ACOT12: variants seen among roughly 807,000 people sequenced by gnomAD.
ACOT12 encodes the protein acyl-CoA thioesterase 12.
A neutral mutation model predicts 67.7 loss-of-function variants in ACOT12; 51 were observed. The observed-to-expected ratio is 0.75, with a 90% CI of 0.60 to 0.95. The LOEUF (loss-of-function observed/expected upper bound fraction) is 0.95, where lower values mean the gene tolerates loss of function less well. Among genes scored for constraint, ACOT12 ranks in the 40% least tolerant of loss-of-function variants. The pLI is 0.00. For missense variants in ACOT12, 734 were observed against 708.1 expected, an observed-to-expected ratio of 1.04 and a Z score of -0.41; for synonymous variants, 251 against 244.6, an observed-to-expected ratio of 1.03 and a Z score of -0.24.
Position 81,359,900 on chromosome 5 carries a change from G to T in ACOT12, c.496+3C>A. 6.2e-7 allele frequency: 1 copy of T among 1,603,126 alleles called. No individual in the cohort carries two copies. Among genetic ancestry groups the T allele is most frequent in the South Asian group, 1.1e-5 (1 of 87,854 alleles). Reference sequence around the variant, plus strand: ...TAAAATTCTTATAAGTGGATTTACTGACCATCAAATTTGCTACTTTCCTTC... The same window carrying T: ...TAAAATTCTTATAAGTGGATTTACTTACCATCAAATTTGCTACTTTCCTTC... On this transcript the variant is annotated splice_donor_region_variant and intron_variant, in intron 5 of 14. Transcript: ENST00000307624.
At chr5:81,329,483 T>G (rs1580521300), downstream of ACOT12, among the ~76,000 whole-genome samples, 1 of 152,074 alleles carries the variant, frequency 6.6e-6, no homozygotes, top group Admixed American at 6.6e-5. Flanking sequence ...TGTGAATAGA[T>G]GGGTGAGGGT....
the ACOT12 span, among the ~76,000 whole-genome samples, chr5:81,315,151 A>T: frequency 6.6e-6 from 1 of 152,292 alleles, no homozygotes; most frequent in African/African-American, 2.4e-5. Flanking sequence ...TCCTACTGGG[A>T]TGCTCCACTA....
chr5:81,380,971 C>T (rs1760565722), intron 2 of ACOT12, among the ~76,000 whole-genome samples: 2 of 152,058 alleles, frequency 1.3e-5, no homozygotes, highest in South Asian at 4.1e-4. Flanking sequence ...TGTTATTGTG[C>T]TGAATACTGT....
intron 3 of ACOT12, among the ~76,000 whole-genome samples, chr5:81,367,461 G>A (rs1042788596): frequency 4.6e-5 from 7 of 152,086 alleles, no homozygotes; most frequent in South Asian, 2.1e-4. Flanking sequence ...ACTGTTATAA[G>A]GTTATTACAC....
chr5:81,380,919 AC>A (rs1224640720), intron 2 of ACOT12, among the ~76,000 whole-genome samples: 4 of 152,166 alleles, frequency 2.6e-5, no homozygotes, highest in African/African-American at 9.7e-5. Flanking sequence ...CCTAGGCTAT[AC>A]GGTATAGCCT....
chr5:81,323,455 C>T, the ACOT12 span, among the ~76,000 whole-genome samples: 10 of 152,326 alleles, frequency 6.6e-5, no homozygotes, highest in Admixed American at 5.9e-4. Flanking sequence ...ATGTTTTTCT[C>T]ATGACAGTGG....
At position 81,335,348 on chromosome 5, in the gene ACOT12, T is replaced by C. The variant is rs533741251; in HGVS notation, c.1262+420A>G. 2.0e-5 allele frequency among the ~76,000 whole-genome samples: 3 copies of C among 152,302 alleles called. No individual in the cohort carries two copies. In the South Asian group the frequency reaches 6.2e-4, roughly 32 times the overall value. ...TCTCTCAATATCACCTGATGCAGTA[T>C]TCTGTCCAGATCAAACTTTATTTTT... On this transcript the variant is annotated intron_variant, in intron 12 of 14. Coordinates refer to ENST00000307624, the MANE Select transcript of ACOT12 (RefSeq NM_130767.3).
chr5:81,355,791 G>A (rs896063485), intron 5 of ACOT12, among the ~76,000 whole-genome samples: 5 of 152,152 alleles, frequency 3.3e-5, no homozygotes, highest in Non-Finnish European at 7.3e-5. Context: ...CTGTGGGGCT[G>A]GGTCCAGAGG....
At chr5:81,385,627 T>A in intron 2 of ACOT12, 130 bp downstream of exon 2, 1 of 789,902 alleles carries the variant, frequency 1.3e-6, no homozygotes, top group Non-Finnish European at 2.0e-6. Context: ...CTAAATTGGG[T>A]CACATGTTAT....
chr5:81,341,913 G>A (rs1759205016), intron 11 of ACOT12, among the ~76,000 whole-genome samples: 1 of 152,170 alleles, frequency 6.6e-6, no homozygotes, highest in Non-Finnish European at 1.5e-5. Context: ...AAATTTCCAT[G>A]TAAGGCTTAA....
intron 5 of ACOT12, among the ~76,000 whole-genome samples, chr5:81,359,291 G>T (rs1759825878): frequency 6.6e-6 from 1 of 152,168 alleles, no homozygotes; most frequent in Non-Finnish European, 1.5e-5. Flanking sequence ...AAAGGGCAGA[G>T]GAGGGGCAAG....
chr5:81,384,908 C>A (rs544576038), intron 2 of ACOT12, among the ~76,000 whole-genome samples: 43 of 152,218 alleles, frequency 2.8e-4, no homozygotes, highest in Middle Eastern at 6.8e-3. Flanking sequence ...GTTTTATAGG[C>A]TGGTGGAAAA....
In ACOT12 at chr5:81,342,686, T is replaced by C. The variant is rs768145802; in HGVS notation, c.1114A>G (p.Ser372Gly). ...LAAKRGWEVT[S>G]TVEKIKIYTL... ...AAGTGTCCTACCTTTTCCACAGTGC[T>C]GGTAACCTCCCAACCCCTTTTGGCT... Residue 372 changes from serine (S) to glycine (G), a missense_variant, in exon 11 of 15, where the codon AGC becomes GGC. Coordinates refer to ENST00000307624, the MANE Select transcript of ACOT12 (RefSeq NM_130767.3). 4 of 1,614,194 alleles carry C rather than the reference T, an allele frequency of 2.5e-6. No homozygotes were observed. The highest frequency in any genetic ancestry group is 3.4e-6 in the Non-Finnish European group (4 of 1,180,014).
At chr5:81,392,134 T>A (rs1241325607) in intron 1 of ACOT12, among the ~76,000 whole-genome samples, 2 of 152,146 alleles carry the variant, frequency 1.3e-5, no homozygotes, top group Non-Finnish European at 2.9e-5. Flanking sequence ...TGAGAAGACA[T>A]TTTGGAATCC....
At chr5:81,341,738 G>A (rs929017893) in intron 11 of ACOT12, among the ~76,000 whole-genome samples, 3 of 152,114 alleles carry the variant, frequency 2.0e-5, no homozygotes, top group African/African-American at 7.2e-5. Flanking sequence ...AAAAACCTCT[G>A]AAAATAGATA....
downstream of ACOT12, among the ~76,000 whole-genome samples, chr5:81,329,049 C>G (rs1679513294): frequency 6.6e-6 from 1 of 152,116 alleles, no homozygotes; most frequent in Non-Finnish European, 1.5e-5. Context: ...TAGACTATGC[C>G]TCTGTTGTCA....
chr5:81,310,354 G>T, the ACOT12 span, among the ~76,000 whole-genome samples: 3 of 152,006 alleles, frequency 2.0e-5, no homozygotes, highest in African/African-American at 7.2e-5. Flanking sequence ...TTTTTGTATG[G>T]TACATTTGAT....
In ACOT12 at chr5:81,335,780, TC is replaced by T. The variant is rs756044212; in HGVS notation, c.1249del (p.Asp417ThrfsTer10). 1 of 1,606,532 alleles carries T rather than the reference TC, an allele frequency of 6.2e-7. No homozygotes were observed. Among genetic ancestry groups the T allele is most frequent in the Non-Finnish European group, 8.5e-7 (1 of 1,178,122 alleles). Reference protein sequence around the residue: ...LSDFTKRPLWDPHFVSCEVID... With the variant: ...LSDFTKRPLWXPHFVSCEVID... Reference sequence around the variant, plus strand: ...AATTTGTTCTTACACAAAATGGGGGTCCCACAAAGGTCGCTTTGTAAAGTCA... The same window carrying T: ...AATTTGTTCTTACACAAAATGGGGGTCCACAAAGGTCGCTTTGTAAAGTCA... On this transcript the variant is annotated frameshift_variant, in exon 12 of 15. Transcript: ENST00000307624. LOFTEE classifies it high-confidence loss of function.
rs146110286 is a variant in ACOT12 at position 81,365,070 on chromosome 5, C to T, written c.259-1181G>A. ...TAGATTTCCCCCTGTGTGAAGAGCG[C>T]TGAAGCTTGGTCCTCAGGATTGCAC... On this transcript the variant is annotated intron_variant, in intron 3 of 14. Transcript: ENST00000307624. 2.2e-3 allele frequency among the ~76,000 whole-genome samples: 331 copies of T among 152,290 alleles called. 2 individuals are homozygous for T. The highest frequency in any genetic ancestry group is 7.6e-3 in the African/African-American group (314 of 41,546).
Sources: allele counts gnomAD v4.1 joint callset (sites outside exome capture counted in the v4.1 genomes callset), GRCh38; gene constraint gnomAD v4.1.1; transcripts MANE v1.5; gene names NCBI Gene and HGNC (gene_info 2026-07-23, HGNC 2026-07-21).